Variants in TENM4 observed in about 807,000 individuals in gnomAD.
TENM4 encodes teneurin transmembrane protein 4.
Under a neutral mutation model 243.3 loss-of-function variants are expected in TENM4, and 82 were observed. The observed-to-expected ratio is 0.34, with a 90% CI of 0.28 to 0.40. The LOEUF (loss-of-function observed/expected upper bound fraction) is 0.40. Among genes scored for constraint, TENM4 ranks in the 10% least tolerant of loss-of-function variants. The pLI, the probability that TENM4 is intolerant of heterozygous loss-of-function variation, is 1.00. For synonymous variants in TENM4, 1,412 were observed against 1,456.3 expected (o/e 0.97, Z 0.69); for missense variants, 3,138 against 3,673.3 (o/e 0.85, Z 3.77).
At position 78,726,160 on chromosome 11, in the gene TENM4, CTGT is replaced by C; in HGVS notation, c.3466_3468del (p.Thr1156del). 1 of 1,614,010 alleles carries C rather than the reference CTGT, an allele frequency of 6.2e-7. No individual in the cohort carries two copies. The highest frequency in any genetic ancestry group is 8.5e-7 in the Non-Finnish European group (1 of 1,179,898). On this transcript the variant is annotated inframe_deletion, in exon 23 of 34. Coordinates refer to ENST00000278550, the MANE Select transcript of TENM4 (RefSeq NM_001098816.3). ...GCGTCAATTTCATAGCCCTGCAGCACTGTTGTTCTTTTTTCCCACAGGATTAGA... is the reference window on the plus strand; with the variant it reads ...GCGTCAATTTCATAGCCCTGCAGCACTGTTCTTTTTTCCCACAGGATTAGA...
intron 21 of TENM4, among the ~76,000 whole-genome samples, chr11:78,730,442 C>T (rs529543297): frequency 1.3e-5 from 2 of 152,304 alleles, no homozygotes; most frequent in African/African-American, 4.8e-5. Context: ...CCCAGCTCAT[C>T]CACAGAGAGA....
chr11:78,787,303 C>G (rs1856961826), intron 15 of TENM4, among the ~76,000 whole-genome samples: 1 of 152,168 alleles, frequency 6.6e-6, no homozygotes, highest in Non-Finnish European at 1.5e-5. Flanking sequence ...CAGATGAGAA[C>G]AATTCTCTGG....
intron 6 of TENM4, among the ~76,000 whole-genome samples, chr11:78,953,060 C>T (rs1857136559): frequency 2.0e-5 from 3 of 152,160 alleles, no homozygotes; most frequent in South Asian, 2.1e-4. Context: ...AATGAATTAC[C>T]AGTCATTTTC....
Position 78,865,157 on chromosome 11 carries a change from A to C in TENM4, c.1085-2025T>G, listed in dbSNP as rs1317547715. Among the ~76,000 whole-genome samples, 3 of 152,354 alleles carry C rather than the reference A, an allele frequency of 2.0e-5. No individual in the cohort carries two copies. The East Asian group carries it at 5.8e-4, about 29-fold the overall frequency. Reference sequence around the variant, plus strand: ...AAAACTATTATTTATTGAGTACTTAATGATATGCCAGGCATTAGGCTGAGA... The same window carrying C: ...AAAACTATTATTTATTGAGTACTTACTGATATGCCAGGCATTAGGCTGAGA... On this transcript the variant is annotated intron_variant, in intron 9 of 33. Transcript: ENST00000278550.
chr11:79,199,522 TTA>T, intron 3 of TENM4, among the ~76,000 whole-genome samples: 1 of 152,262 alleles, frequency 6.6e-6, no homozygotes, highest in Non-Finnish European at 1.5e-5. Context: ...TCCATAATCG[TTA>T]TGTGTGCTGA....
intron 6 of TENM4, among the ~76,000 whole-genome samples, chr11:78,946,379 T>C (rs756135158): frequency 5.3e-5 from 8 of 152,206 alleles, no homozygotes; most frequent in South Asian, 2.1e-4. Flanking sequence ...TTTAAGCCCA[T>C]TGTTGAGAGC....
At chr11:78,883,067 A>C (rs978397534) in intron 9 of TENM4, among the ~76,000 whole-genome samples, 11 of 152,208 alleles carry the variant, frequency 7.2e-5, no homozygotes, top group Non-Finnish European at 1.6e-4. Flanking sequence ...AGAAATACAG[A>C]CTAGGAAGGA....
chr11:78,856,244 G>C, intron 10 of TENM4, 66 bp from the exon 11 acceptor site: 2 of 1,426,392 alleles, frequency 1.4e-6, no homozygotes, highest in Non-Finnish European at 9.6e-7. Flanking sequence ...CGAGAAACCA[G>C]GGCATCTGAA....
At chr11:79,156,613 A>T (rs1862623941) in intron 3 of TENM4, among the ~76,000 whole-genome samples, 1 of 152,044 alleles carries the variant, frequency 6.6e-6, no homozygotes, top group African/African-American at 2.4e-5. Context: ...CTCTGTCTAG[A>T]TCAGAGGTCC....
chr11:79,433,868 C>A (rs1314038108), intron 1 of TENM4, among the ~76,000 whole-genome samples: 3 of 152,186 alleles, frequency 2.0e-5, no homozygotes, highest in Non-Finnish European at 2.9e-5. Context: ...GCATCTAAAC[C>A]GTTGTCTGAA....
intron 31 of TENM4, among the ~76,000 whole-genome samples, chr11:78,671,693 C>T (rs1858329782): frequency 6.6e-6 from 1 of 152,220 alleles, no homozygotes; most frequent in African/African-American, 2.4e-5. Flanking sequence ...TGGTTCTCCA[C>T]AACTGGATTG....
Position 78,954,840 on chromosome 11 carries a change from A to C in TENM4, c.494-51317T>G, listed in dbSNP as rs558218494. 1.2e-4 allele frequency among the ~76,000 whole-genome samples: 18 copies of C among 152,380 alleles called. No individual in the cohort carries two copies. In the South Asian group the frequency reaches 3.7e-3, roughly 32 times the overall value. ...AGACTAAGACAGTGACACAGAAATGAATATGGTTTGGGAAATGCTGGTTTC... is the reference window on the plus strand; with the variant it reads ...AGACTAAGACAGTGACACAGAAATGCATATGGTTTGGGAAATGCTGGTTTC... On this transcript the variant is annotated intron_variant, in intron 6 of 33. Transcript: ENST00000278550.
chr11:79,132,992 C>A (rs1049734890), intron 4 of TENM4, among the ~76,000 whole-genome samples: 3 of 151,806 alleles, frequency 2.0e-5, no homozygotes, highest in African/African-American at 7.3e-5. Flanking sequence ...AGGAAATAAC[C>A]AAGATCAGAA....
At chr11:79,356,710 A>T (rs1164871793) in intron 1 of TENM4, among the ~76,000 whole-genome samples, 1 of 152,144 alleles carries the variant, frequency 6.6e-6, no homozygotes, top group Non-Finnish European at 1.5e-5. Flanking sequence ...TATCATCATC[A>T]TCATCACTAT....
At chr11:78,759,156 A>G (rs1245899146) in intron 18 of TENM4, among the ~76,000 whole-genome samples, 1 of 152,076 alleles carries the variant, frequency 6.6e-6, no homozygotes, top group Non-Finnish European at 1.5e-5. Flanking sequence ...CCCTCACCCC[A>G]GCATTGACCT....
At chr11:79,143,678 AAAAT>A (rs1406847409) in intron 4 of TENM4, among the ~76,000 whole-genome samples, 1 of 151,746 alleles carries the variant, frequency 6.6e-6, no homozygotes, top group Admixed American at 6.6e-5. Flanking sequence ...AAGTATAATA[AAAAT>A]AAATAAATAA....
At chr11:79,130,988 A>G (rs1471607468) in intron 4 of TENM4, among the ~76,000 whole-genome samples, 1 of 152,162 alleles carries the variant, frequency 6.6e-6, no homozygotes, top group Non-Finnish European at 1.5e-5. Context: ...CAAAGAAAAA[A>G]TAATAAGAAA....
chr11:79,373,660 A>G (rs1455154288), intron 1 of TENM4, among the ~76,000 whole-genome samples: 1 of 152,252 alleles, frequency 6.6e-6, no homozygotes, highest in Non-Finnish European at 1.5e-5. Flanking sequence ...TACCTTCTCC[A>G]GCAATACAAA....
chr11:78,712,823 A>G (rs193257540), intron 25 of TENM4, 109 bp from the exon 26 acceptor site: 4 of 1,005,682 alleles, frequency 4.0e-6, no homozygotes, highest in Admixed American at 4.8e-5. Flanking sequence ...AAAATATCTT[A>G]TGGGGATGAT....
Sources: allele counts gnomAD v4.1 joint callset (sites outside exome capture counted in the v4.1 genomes callset), GRCh38; gene constraint gnomAD v4.1.1; transcripts MANE v1.5; gene names NCBI Gene and HGNC (gene_info 2026-07-23, HGNC 2026-07-21).